The following CPSF1 variants were observed in gnomAD, a reference collection of about 807,000 sequenced individuals.
CPSF1 encodes cleavage and polyadenylation specific factor 1.
In CPSF1, 106 loss-of-function variants were observed where a neutral mutation model predicts 175.8. The observed-to-expected ratio is 0.60, with a 90% CI of 0.52 to 0.71. The LOEUF is 0.71. Ranked by LOEUF, CPSF1 falls within the 30% of genes least tolerant of loss-of-function variation. The pLI is 0.00. For missense variants in CPSF1, 1,734 were observed against 2,022.9 expected (o/e 0.86, Z 2.74); for synonymous variants, 1,024 against 858.3 (o/e 1.19, Z -3.37).
chr8:144,398,293 C>G lies in CPSF1; in HGVS notation c.1894+9G>C. On this transcript the variant is annotated intron_variant, in intron 19 of 37. Transcript: ENST00000616140. ...AGATGCCCAGGGCCCAACCACCCCC[C>G]CCACCTACCTCCTTCCAGCAGGCGG... The G allele has an allele frequency of 6.2e-7, 1 of 1,602,712 alleles. No homozygotes were observed. The highest frequency in any genetic ancestry group is 8.5e-7 in the Non-Finnish European group (1 of 1,172,340).
chr8:144,397,974 G>A lies in CPSF1; in HGVS notation c.2053C>T (p.His685Tyr). 2 of 1,610,018 alleles carry A rather than the reference G, an allele frequency of 1.2e-6. No homozygotes were observed. Among genetic ancestry groups the A allele is most frequent in the Non-Finnish European group, 8.5e-7 (1 of 1,179,220 alleles). Residue 685 changes from histidine to tyrosine, a missense_variant, in exon 20 of 38, where the codon CAC becomes TAC. By Grantham distance (83) the His-to-Tyr change is moderately conservative. Around this residue, in one of 10 missense-constraint regions of CPSF1, gnomAD observed 280 missense variants for 349.2 expected, o/e 0.80. Coordinates refer to ENST00000616140, the MANE Select transcript of CPSF1 (RefSeq NM_013291.3). The stretch of plus-strand genomic sequence containing the variant: ...CCTACATGGTGCAGCGGGGGCTTGT[G>A]CAGCGCCAGGCGGTGGTGGCGGCCA... ...YGGRHHRLALHKPPLHHQSKV... is the reference protein window; with the variant it reads ...YGGRHHRLALYKPPLHHQSKV...
intron 2 of CPSF1, 68 bp downstream of exon 2, chr8:144,408,947 C>G (rs782198052): frequency 6.4e-7 from 1 of 1,572,832 alleles, no homozygotes; most frequent in Non-Finnish European, 8.6e-7. Context: ...GCTCTTCCAT[C>G]TGCAACCGGG....
rs1820521120 is a variant in CPSF1 at position 144,393,924 on chromosome 8, T to C, written c.3974A>G (p.Lys1325Arg). The C allele has an allele frequency of 6.2e-7, 1 of 1,613,466 alleles. No individual in the cohort carries two copies. Among genetic ancestry groups the C allele is most frequent in the Middle Eastern group, 1.7e-4 (1 of 6,058 alleles). The change falls in exon 35 of 38, where the codon AAA becomes AGA. Residue 1325 changes from lysine (K) to arginine (R), a missense_variant. This residue lies in a region of CPSF1 where 323 missense variants were observed against 338.5 expected (regional missense o/e 0.95). Transcript: ENST00000616140. ...CTTATTCTCCCACACGACCGACTTT[T>C]TGCTGAGCCCTTCAGTGGCCCCCCG... is the stretch of plus-strand genomic sequence containing the variant. ...PCRGATEGLS[K>R]KSVVWENKHI...
rs2116863619 is a variant in CPSF1, at chr8:144,399,527, G to A, written c.1243-24C>T. 1.9e-6 allele frequency: 3 copies of A among 1,612,390 alleles called. No homozygotes were observed. The Admixed American group carries it at 5.0e-5, about 27-fold the overall frequency. On this transcript the variant is annotated intron_variant, in intron 12 of 37. Coordinates refer to ENST00000616140, the MANE Select transcript of CPSF1 (RefSeq NM_013291.3). This position sits in a 1 kb window ranked among gnomAD's most constrained non-coding sequence, Gnocchi z 6.4. ...TCCTGTGAGGCAGGAGGGGCACTGAGTGGCATGCCACAGCAGTGCCCACAT... is the reference window on the plus strand; with the variant it reads ...TCCTGTGAGGCAGGAGGGGCACTGAATGGCATGCCACAGCAGTGCCCACAT...
At position 144,399,815 on chromosome 8, in the gene CPSF1, A is replaced by T; in HGVS notation, c.1085T>A (p.Phe362Tyr). 6.4e-7 allele frequency: 1 copy of T among 1,559,392 alleles called. No homozygotes were observed. The highest frequency in any genetic ancestry group is 8.7e-7 in the Non-Finnish European group (1 of 1,152,162). Residue 362 changes from phenylalanine to tyrosine, a missense_variant, in exon 11 of 38, where the codon TTT (phenylalanine) becomes TAT (tyrosine). By Grantham distance (22) the Phe-to-Tyr change is conservative. Coordinates refer to ENST00000616140, the MANE Select transcript of CPSF1 (RefSeq NM_013291.3). The surrounding 1 kb of genome is among the most constrained non-coding windows in gnomAD (Gnocchi z 6.4). ...GAGGACGCTGGCGGCCGCCTTGTCA[A>T]AGTGGAACGCTCGGACACTGCGCAT... ...DGMRSVRAFH[F>Y]DKAAASVLTT... is the part of the protein sequence containing the mutation.
chr8:144,395,289 TCTC>T lies in CPSF1; in HGVS notation c.3160_3162del (p.Glu1054del). The T allele has an allele frequency of 6.2e-7, 1 of 1,613,118 alleles. No individual in the cohort carries two copies. The highest frequency in any genetic ancestry group is 8.5e-7 in the Non-Finnish European group (1 of 1,179,920). On this transcript the variant is annotated inframe_deletion, in exon 28 of 38. Coordinates refer to ENST00000616140, the MANE Select transcript of CPSF1 (RefSeq NM_013291.3). ...CCTCTCTCGATGGTCTCAAACTCCT[TCTC>T]CTCGCCAGTCATGCGTGGGATGCGG...
chr8:144,400,791 T>C lies in CPSF1; in HGVS notation c.566A>G (p.Tyr189Cys). The change falls in exon 7 of 38, where the codon TAC (tyrosine) becomes TGC (cysteine). Residue 189 changes from tyrosine (Y) to cysteine (C), a missense_variant. Around this residue, in one of 10 missense-constraint regions of CPSF1, gnomAD observed 122 missense variants for 177.2 expected, o/e 0.69. Coordinates refer to ENST00000616140, the MANE Select transcript of CPSF1 (RefSeq NM_013291.3). ...GTCTAGGGCCCGCACGTCGATGATG[T>C]AGCTGGGCAGGAAGCTGGACCTCTG... ...EGQRSSFLPSYIIDVRALDEK... is the reference protein window; with the variant it reads ...EGQRSSFLPSCIIDVRALDEK... 1.2e-6 allele frequency: 2 copies of C among 1,613,800 alleles called. No homozygotes were observed. Among genetic ancestry groups the C allele is most frequent in the Non-Finnish European group, 1.7e-6 (2 of 1,179,932 alleles).
At position 144,406,279 on chromosome 8, in the gene CPSF1, C is replaced by T. The variant is rs2116904827; in HGVS notation, c.144+2736G>A. Among the ~76,000 whole-genome samples, 210 of 152,352 alleles carry T rather than the reference C, an allele frequency of 1.4e-3. 1 individual carries two copies. The highest frequency in any genetic ancestry group is 2.3e-3 in the Non-Finnish European group (154 of 68,030). ...TCTGTGTTCACTGTTACTGACTCTC[C>T]TCCCCTGCTGGGCTCTTACCCCTGC... is the stretch of plus-strand genomic sequence containing the variant. On this transcript the variant is annotated intron_variant, in intron 2 of 37. Coordinates refer to ENST00000616140, the MANE Select transcript of CPSF1 (RefSeq NM_013291.3).
At chr8:144,395,923 G>A (rs1011447019) in intron 26 of CPSF1, 4 of 403,254 alleles carry the variant, frequency 9.9e-6, no homozygotes, top group Admixed American at 4.0e-5. Context: ...CACCCAGGAA[G>A]CACTCACCGC....
chr8:144,394,252 C>T lies in CPSF1; in HGVS notation c.3793G>A (p.Ala1265Thr). 2 of 1,604,984 alleles carry T rather than the reference C, an allele frequency of 1.2e-6. No homozygotes were observed. ...VYSVDFMVDN[A>T]QLGFLVSDRD... ...CACATACCCAGAAAACCCAGCTGGG[C>T]ATTGTCCACCATGAAGTCCACGCTG... Residue 1265 changes from alanine (A) to threonine (T), a missense_variant, in exon 33 of 38, where the codon GCC becomes ACC. Around this residue, in one of 10 missense-constraint regions of CPSF1, gnomAD observed 323 missense variants for 338.5 expected, o/e 0.95. Transcript: ENST00000616140.
chr8:144,395,653 T>A, intron 26 of CPSF1, 102 bp from the exon 27 acceptor site: 1 of 982,774 alleles, frequency 1.0e-6, no homozygotes, highest in Non-Finnish European at 1.5e-6. Context: ...CTCAGCTCTG[T>A]GGGAGCAGGG....
intron 9 of CPSF1, 31 bp downstream of exon 9, chr8:144,400,135 G>GGGCCCCCCCCCCC: frequency 5.2e-5 from 47 of 895,932 alleles, no homozygotes; most frequent in Non-Finnish European, 7.1e-5. Context: ...CCGTCCCCGG[G>GGGCCCCCCCCCCC]CCCCCCCCGC....
rs1199698464 is a variant in CPSF1 at position 144,401,514 on chromosome 8, G to A, written c.222C>T (p.Phe74=). ...TGGCCATGGACATGACGTTGCCAAA[G>A]AAGGAGAAGGAGGCAGCAAGCTCGA... The part of the protein sequence containing the change: ...EKLELAASFS[F]FGNVMSMASV... The change falls in exon 4 of 38, where the codon TTC becomes TTT. Residue 74 remains phenylalanine (F), a synonymous_variant. Coordinates refer to ENST00000616140, the MANE Select transcript of CPSF1 (RefSeq NM_013291.3). The A allele has an allele frequency of 6.2e-7, 1 of 1,614,040 alleles. No homozygotes were observed.
chr8:144,400,135 G>GGGGCCCCCCCCCCCCCCCCCACCCCC, intron 9 of CPSF1, 31 bp downstream of exon 9: 1 of 896,012 alleles, frequency 1.1e-6, no homozygotes, highest in Non-Finnish European at 1.6e-6. Context: ...CCGTCCCCGG[G>GGGGCCCCCCCCCCCCCCCCCACCCCC]CCCCCCCCGC....
chr8:144,407,583 G>A (rs1554869474), intron 2 of CPSF1, among the ~76,000 whole-genome samples: 2 of 152,084 alleles, frequency 1.3e-5, no homozygotes, highest in African/African-American at 4.8e-5. Context: ...GCTACTTGGT[G>A]GAGGGTTTAG....
rs1405593256 is a variant in CPSF1, at chr8:144,395,550, C to T, written c.2981G>A (p.Gly994Asp). 4 of 615,150 alleles carry T rather than the reference C, an allele frequency of 6.5e-6. No homozygotes were observed. In the Admixed American group the frequency reaches 7.9e-5, roughly 12 times the overall value. The allele number at this position is 615,150 out of a possible 1,614,324, so 38.1% of individuals were successfully genotyped here. A position where few individuals can be genotyped will look rare whatever the true frequency, so the allele number is the denominator to read the frequency against. ...AGGCAGGACACTGATCCTCAGCTCG[C>T]CCTGGGGTGGGGGCACAGGGGTCAG... is the stretch of plus-strand genomic sequence containing the variant. Reference protein sequence around the residue: ...PRGFLYFNRQGELRISVLPAY... With the variant: ...PRGFLYFNRQDELRISVLPAY... Residue 994 changes from glycine (G) to aspartate (D), a missense_variant and splice_region_variant, in exon 27 of 38, where the codon GGC becomes GAC. Gly to Asp is a moderately conservative substitution (Grantham distance 94). Around this residue, in one of 10 missense-constraint regions of CPSF1, gnomAD observed 585 missense variants for 584.7 expected, o/e 1.00. Transcript: ENST00000616140.
chr8:144,409,249 G>C, intron 1 of CPSF1, 40 bp downstream of exon 1: 5 of 1,187,492 alleles, frequency 4.2e-6, no homozygotes, highest in Non-Finnish European at 5.3e-6. Flanking sequence ...CCCCTCCCCG[G>C]CCTCGCGCTG....
At position 144,393,527 on chromosome 8, in the gene CPSF1, C is replaced by G; in HGVS notation, c.4209G>C (p.Leu1403=). The change falls in exon 37 of 38, where the codon CTG becomes CTC. Residue 1403 remains leucine (L), a synonymous_variant. Transcript: ENST00000616140. The part of the protein sequence containing the change: ...NAVRNVLDGE[L]LNRYLYLSTM... ...TGCTCAGGTACAGGTAGCGGTTGAG[C>G]AGCTCCCCATCCAGCACGTTGCGCA... 1.3e-6 allele frequency: 2 copies of G among 1,596,414 alleles called. No homozygotes were observed. Among genetic ancestry groups the G allele is most frequent in the Non-Finnish European group, 1.7e-6 (2 of 1,173,526 alleles).
rs1000079849 is a variant in CPSF1, at chr8:144,400,198, C to G, written c.905G>C (p.Ser302Thr). 4.5e-6 allele frequency: 6 copies of G among 1,342,900 alleles called. No individual in the cohort carries two copies. The highest frequency in any genetic ancestry group is 5.9e-6 in the Non-Finnish European group (6 of 1,019,742). 83.2% of individuals were successfully genotyped at this position (1,342,900 alleles called of 1,614,324 possible). ...SVPPYGVALN[S>T]LTTGTTAFPL... ...GAAAGCCGTGGTTCCTGTGGTGAGG[C>G]TGTTGAGAGCCACGCCATACGGGGG... The change falls in exon 9 of 38, where the codon AGC (serine) becomes ACC (threonine). Residue 302 changes from serine (S) to threonine (T), a missense_variant. This residue lies in a region of CPSF1 where 61 missense variants were observed against 104.0 expected (regional missense o/e 0.59). Transcript: ENST00000616140.
Sources: allele counts gnomAD v4.1 joint callset (sites outside exome capture counted in the v4.1 genomes callset), GRCh38; gene constraint gnomAD v4.1.1; regional missense constraint gnomAD v4.1.1; non-coding constraint Gnocchi (gnomAD v3.1); transcripts MANE v1.5; gene names NCBI Gene and HGNC (gene_info 2026-07-23, HGNC 2026-07-21).